The following DLGAP2 variants were observed in gnomAD, a reference collection of about 807,000 sequenced individuals.
DLGAP2 encodes disks large-associated protein 2.
DLGAP2 carries 26 observed loss-of-function variants against 100.3 expected under a neutral mutation model. The observed-to-expected ratio is 0.26, with a 90% CI of 0.19 to 0.36. The LOEUF is 0.36. DLGAP2 is among the 10% of genes least tolerant of loss of function. The pLI, the probability that DLGAP2 is intolerant of heterozygous loss-of-function variation, is 1.00. For synonymous variants in DLGAP2, 886 were observed against 630.1 expected, an observed-to-expected ratio of 1.41 and a Z score of -6.08; for missense variants, 1,858 against 1,453.2, an observed-to-expected ratio of 1.28 and a Z score of -4.53.
chr8:893,306 G>A (rs932047762), intron 1 of DLGAP2, among the ~76,000 whole-genome samples: 3 of 152,194 alleles, frequency 2.0e-5, no homozygotes, highest in Non-Finnish European at 4.4e-5. Flanking sequence ...CGACAGCTAG[G>A]AAGGCAGGCA....
intron 13 of DLGAP2, among the ~76,000 whole-genome samples, chr8:1,696,343 TAAAGA>T (rs1179652652): frequency 6.6e-6 from 1 of 151,870 alleles, no homozygotes; most frequent in African/African-American, 2.4e-5. Flanking sequence ...GCTACAAAAT[TAAAGA>T]AATTAGCTGG....
chr8:1,606,708 G>C (rs1218810206), intron 6 of DLGAP2, among the ~76,000 whole-genome samples: 1 of 152,024 alleles, frequency 6.6e-6, no homozygotes, highest in Non-Finnish European at 1.5e-5. Context: ...TCTGAGATGA[G>C]GTCTCACTCT....
Position 1,097,403 on chromosome 8 carries a change from C to G in DLGAP2, c.74-161448C>G, listed in dbSNP as rs1362912285. The stretch of plus-strand genomic sequence containing the variant: ...CTGGGAGCCCGGGGCAGGCCTTCAC[C>G]CTCTGTGGCATGGAGAGGACCCCTC... On this transcript the variant is annotated intron_variant, in intron 2 of 14. Transcript: ENST00000637795. Among the ~76,000 whole-genome samples the G allele has an allele frequency of 7.7e-5, 10 of 130,304 alleles. No homozygotes were observed. In the Admixed American group the frequency reaches 7.8e-4, roughly 10 times the overall value. 85.5% of individuals were successfully genotyped at this position (130,304 alleles called of 152,430 possible).
intron 12 of DLGAP2, chr8:1,678,943 G>A (rs1294946583): frequency 3.2e-6 from 1 of 308,068 alleles, no homozygotes; most frequent in Non-Finnish European, 5.9e-6. Flanking sequence ...CTTGAATTTT[G>A]GCAAAAACTT....
chr8:1,335,368 T>G (rs1801250429), intron 3 of DLGAP2, among the ~76,000 whole-genome samples: 1 of 152,184 alleles, frequency 6.6e-6, no homozygotes, highest in Non-Finnish European at 1.5e-5. Context: ...ACATTTTCAC[T>G]CTAAGACAGT....
rs115433311 is a variant in DLGAP2 at position 1,218,220 on chromosome 8, G to A, written c.74-40631G>A. ...CTCTTCCAGATTTTTTATAGTTTTA[G>A]GTTTTGCCTTTAAGGCTTTGATCCA... On this transcript the variant is annotated intron_variant, in intron 2 of 14. Transcript: ENST00000637795. Among the ~76,000 whole-genome samples the A allele has an allele frequency of 5.9e-3, 899 of 152,254 alleles. 7 individuals carry two copies. Among genetic ancestry groups the A allele is most frequent in the African/African-American group, 0.02 (820 of 41,560 alleles).
At chr8:1,302,846 G>A (rs1800392022) in intron 3 of DLGAP2, among the ~76,000 whole-genome samples, 1 of 152,244 alleles carries the variant, frequency 6.6e-6, no homozygotes, top group South Asian at 2.1e-4. Context: ...CGCTGGAGTC[G>A]ATTCTTTCCT....
chr8:1,175,205 C>A (rs989983637), intron 2 of DLGAP2, among the ~76,000 whole-genome samples: 2 of 151,996 alleles, frequency 1.3e-5, no homozygotes, highest in Non-Finnish European at 2.9e-5. Flanking sequence ...TAACTAGTAA[C>A]CCGCAGTGAG....
At chr8:1,697,117 T>A in intron 13 of DLGAP2, 30 bp from the exon 14 acceptor site, 5 of 1,511,536 alleles carry the variant, frequency 3.3e-6, no homozygotes, top group Non-Finnish European at 4.4e-6. Context: ...GAGACTCTCC[T>A]GGCTCTGAAC....
In DLGAP2 at chr8:1,024,215, A is replaced by G. The variant is rs751431399; in HGVS notation, c.73+116249A>G. Among the ~76,000 whole-genome samples, 376 of 123,180 alleles carry G rather than the reference A, an allele frequency of 3.1e-3. 14 individuals carry two copies. The highest frequency in any genetic ancestry group is 5.2e-3 in the Non-Finnish European group (295 of 56,208). 80.8% of individuals were successfully genotyped at this position (123,180 alleles called of 152,430 possible). On this transcript the variant is annotated intron_variant, in intron 2 of 14. Coordinates refer to ENST00000637795, the MANE Select transcript of DLGAP2 (RefSeq NM_001346810.2). ...CCGTGCCGAGGTAGACACTCCAAAC[A>G]CCACCCACCCTCCCTGGAAGTGGAC...
intron 3 of DLGAP2, among the ~76,000 whole-genome samples, chr8:1,436,437 G>C (rs1032328842): frequency 6.6e-6 from 1 of 152,134 alleles, no homozygotes; most frequent in Non-Finnish European, 1.5e-5. Flanking sequence ...CAGCCGAATA[G>C]ATGGTGCCCA....
intron 4 of DLGAP2, among the ~76,000 whole-genome samples, chr8:1,520,629 C>G (rs906916727): frequency 6.6e-6 from 1 of 152,172 alleles, no homozygotes; most frequent in Non-Finnish European, 1.5e-5. Context: ...CTGACTCTTT[C>G]GCTACCTTTG....
At chr8:1,021,873 C>T (rs1250750059) in intron 2 of DLGAP2, among the ~76,000 whole-genome samples, 1 of 152,092 alleles carries the variant, frequency 6.6e-6, no homozygotes, top group Non-Finnish European at 1.5e-5. Flanking sequence ...TCTCCCTGGG[C>T]TTCTCCTCTT....
In DLGAP2 at chr8:1,703,219, G is replaced by A. The variant is rs1377209837; in HGVS notation, c.*1813G>A. 6.6e-6 allele frequency: 1 copy of A among 152,348 alleles called. No individual in the cohort carries two copies. Among genetic ancestry groups the A allele is most frequent in the Non-Finnish European group, 1.5e-5 (1 of 68,038 alleles). 9.4% of individuals were successfully genotyped at this position (152,348 alleles called of 1,614,324 possible). On this transcript the variant is annotated 3_prime_UTR_variant, in exon 15 of 15. Transcript: ENST00000637795. ...CAAAACCCTGTAAATTGAGCCTCATGTCTGGTATATATTTTACCAAACAGC... is the reference window on the plus strand; with the variant it reads ...CAAAACCCTGTAAATTGAGCCTCATATCTGGTATATATTTTACCAAACAGC...
rs1358156269 is a variant in DLGAP2 at position 1,320,745 on chromosome 8, A to G, written c.106+61862A>G. Among the ~76,000 whole-genome samples, 3 of 152,130 alleles carry G rather than the reference A, an allele frequency of 2.0e-5. No individual in the cohort carries two copies. In the South Asian group the frequency reaches 6.2e-4, roughly 32 times the overall value. Reference sequence around the variant, plus strand: ...ACCCCAGTCATGGCCAGACCTCTCCAACTCCTGCGGTCTTCCCCCAAGCCA... The same window carrying G: ...ACCCCAGTCATGGCCAGACCTCTCCGACTCCTGCGGTCTTCCCCCAAGCCA... On this transcript the variant is annotated intron_variant, in intron 3 of 14. Coordinates refer to ENST00000637795, the MANE Select transcript of DLGAP2 (RefSeq NM_001346810.2).
At chr8:1,188,360 G>C (rs1244675411) in intron 2 of DLGAP2, among the ~76,000 whole-genome samples, 1 of 139,982 alleles carries the variant, frequency 7.1e-6, no homozygotes, top group Non-Finnish European at 1.5e-5. Flanking sequence ...GGACCTCCGT[G>C]ACGTTTGCCT....
intron 12 of DLGAP2, chr8:1,688,247 T>A (rs1172588446): frequency 3.3e-5 from 5 of 152,274 alleles, no homozygotes; most frequent in Non-Finnish European, 5.9e-5. Context: ...CCTTCTCTGT[T>A]CCCAGGCTGG....
At chr8:937,066 C>A (rs1018842803) in intron 2 of DLGAP2, among the ~76,000 whole-genome samples, 1 of 152,142 alleles carries the variant, frequency 6.6e-6, no homozygotes, top group African/African-American at 2.4e-5. Context: ...GTGTGAAGGC[C>A]CCGCACATCT....
intron 2 of DLGAP2, among the ~76,000 whole-genome samples, chr8:1,109,033 C>A (rs1176500738): frequency 2.1e-5 from 3 of 141,032 alleles, no homozygotes; most frequent in Non-Finnish European, 4.6e-5. Flanking sequence ...GTGAATGTGT[C>A]TATGAGGTGT....
Sources: allele counts gnomAD v4.1 joint callset (sites outside exome capture counted in the v4.1 genomes callset), GRCh38; gene constraint gnomAD v4.1.1; transcripts MANE v1.5; gene names NCBI Gene and HGNC (gene_info 2026-07-23, HGNC 2026-07-21).